WNK1: variants seen among roughly 807,000 people sequenced by gnomAD.
WNK1 encodes the protein WNK lysine deficient protein kinase 1.
A neutral mutation model predicts 222.8 loss-of-function variants in WNK1; 38 were observed. The observed-to-expected ratio is 0.17, with a 90% CI of 0.13 to 0.22. The LOEUF is 0.22. WNK1 is among the 10% of genes least tolerant of loss of function. The probability of loss-of-function intolerance (pLI) is 1.00; values close to 1 mark genes in which losing one functional copy is unlikely to be tolerated. For missense variants in WNK1, 2,348 were observed against 2,918.4 expected, an observed-to-expected ratio of 0.80 and a Z score of 4.50; for synonymous variants, 1,090 against 1,092.9, an observed-to-expected ratio of 1.00 and a Z score of 0.05.
chr12:820,220 G>T (rs1317505214), intron 2 of WNK1, among the ~76,000 whole-genome samples: 1 of 151,998 alleles, frequency 6.6e-6, no homozygotes, highest in African/African-American at 2.4e-5. Flanking sequence ...ATTTATTTAT[G>T]TCTTTTTTAA....
In WNK1 at chr12:754,344, A is replaced by G; in HGVS notation, c.759+20A>G. 1 of 1,604,948 alleles carries G rather than the reference A, an allele frequency of 6.2e-7. No individual in the cohort carries two copies. Among genetic ancestry groups the G allele is most frequent in the Non-Finnish European group, 8.5e-7 (1 of 1,174,546 alleles). On this transcript the variant is annotated intron_variant, in intron 1 of 27. Transcript: ENST00000315939. ...CTGCAGGTAAAGCCCCACCTACTTTATTTGACGGTCCTTTGGATCCCAAAT... is the reference window on the plus strand; with the variant it reads ...CTGCAGGTAAAGCCCCACCTACTTTGTTTGACGGTCCTTTGGATCCCAAAT...
intron 1 of WNK1, among the ~76,000 whole-genome samples, chr12:773,438 A>G (rs994090728): frequency 3.3e-5 from 5 of 152,222 alleles, no homozygotes; most frequent in Non-Finnish European, 7.3e-5. Context: ...AATATAGGAA[A>G]TTCTTAATGC....
intron 11 of WNK1, among the ~76,000 whole-genome samples, chr12:880,318 G>A (rs1953029100): frequency 6.6e-6 from 1 of 152,158 alleles, no homozygotes; most frequent in African/African-American, 2.4e-5. Context: ...TTACATATAT[G>A]GGTAGAATAA....
Position 906,280 on chromosome 12 carries a change from C to G in WNK1, c.6644-1567C>G, listed in dbSNP as rs868486119. On this transcript the variant is annotated intron_variant, in intron 26 of 27. Coordinates refer to ENST00000315939, the MANE Select transcript of WNK1 (RefSeq NM_018979.4). The stretch of plus-strand genomic sequence containing the variant: ...AGACAAGACCATGACTCTTCTTTCC[C>G]TCTTCCCCAAAACGTGCCTCTTGGA... 4.1e-5 allele frequency: 40 copies of G among 981,746 alleles called. No homozygotes were observed. The African/African-American group carries it at 6.1e-4, about 15-fold the overall frequency. 60.8% of individuals were successfully genotyped at this position (981,746 alleles called of 1,614,324 possible).
In WNK1 at chr12:776,588, G is replaced by A. The variant is rs545882823; in HGVS notation, c.759+22264G>A. On this transcript the variant is annotated intron_variant, in intron 1 of 27. Transcript: ENST00000315939. ...TGGGACTACAGGTGCGTGCCACCGTGCCTGGCTAATTTTTTGTATTTTTAG... is the reference window on the plus strand; with the variant it reads ...TGGGACTACAGGTGCGTGCCACCGTACCTGGCTAATTTTTTGTATTTTTAG... Among the ~76,000 whole-genome samples the A allele has an allele frequency of 3.9e-5, 6 of 152,136 alleles. No individual in the cohort carries two copies. The East Asian group carries it at 9.7e-4, about 25-fold the overall frequency.
rs1565623800 is a variant in WNK1, at chr12:907,915, A to G, written c.6712A>G (p.Met2238Val). 6.2e-7 allele frequency: 1 copy of G among 1,614,212 alleles called. No individual in the cohort carries two copies. The highest frequency in any genetic ancestry group is 8.5e-7 in the Non-Finnish European group (1 of 1,180,042). ...SQAAQAQPPAMTSSRKGTFTD... is the reference protein window; with the variant it reads ...SQAAQAQPPAVTSSRKGTFTD... ...AGCCGCCCAAGCTCAGCCTCCTGCCATGACGTCCAGCAGGAAGGGCACATT... is the reference window on the plus strand; with the variant it reads ...AGCCGCCCAAGCTCAGCCTCCTGCCGTGACGTCCAGCAGGAAGGGCACATT... Residue 2238 changes from methionine to valine, a missense_variant, in exon 27 of 28, where the codon ATG becomes GTG. Physicochemically the swap from Met to Val is conservative, Grantham distance 21. Transcript: ENST00000315939.
chr12:771,233 G>A (rs1209958667), intron 1 of WNK1, among the ~76,000 whole-genome samples: 5 of 151,820 alleles, frequency 3.3e-5, no homozygotes, highest in Non-Finnish European at 7.4e-5. Context: ...TCCTGACCTC[G>A]TGATCCGCCC....
chr12:850,174 A>G (rs1278718920), intron 4 of WNK1, among the ~76,000 whole-genome samples: 1 of 152,250 alleles, frequency 6.6e-6, no homozygotes, highest in Non-Finnish European at 1.5e-5. Context: ...ACTAGTTTAC[A>G]GTCCCTCCAA....
chr12:791,783 T>C (rs1286552058), intron 1 of WNK1, among the ~76,000 whole-genome samples: 1 of 152,182 alleles, frequency 6.6e-6, no homozygotes, highest in Non-Finnish European at 1.5e-5. Context: ...TAATTTTTTT[T>C]ATCTCTAATC....
intron 1 of WNK1, among the ~76,000 whole-genome samples, chr12:785,409 C>CCT (rs1565426663): frequency 9.4e-6 from 1 of 106,106 alleles, no homozygotes; most frequent in African/African-American, 3.0e-5. Context: ...CCCCCCCCCC[C>CCT]ACCCCCTCGA....
chr12:818,420 T>G (rs1404699803), intron 2 of WNK1, among the ~76,000 whole-genome samples: 2 of 152,192 alleles, frequency 1.3e-5, no homozygotes, highest in Non-Finnish European at 2.9e-5. Context: ...CAGTTCCCCA[T>G]GTGTATGTAA....
At chr12:824,772 ATATTT>A (rs1488431294) in intron 2 of WNK1, among the ~76,000 whole-genome samples, 1 of 152,148 alleles carries the variant, frequency 6.6e-6, no homozygotes, top group East Asian at 1.9e-4. Flanking sequence ...AAAATTTCCA[ATATTT>A]TATTATAAAA....
rs928992224 is a variant in WNK1, at chr12:885,081, C to T, written c.4277C>T (p.Thr1426Ile). 1 of 1,614,230 alleles carries T rather than the reference C, an allele frequency of 6.2e-7. No individual in the cohort carries two copies. Among genetic ancestry groups the T allele is most frequent in the Non-Finnish European group, 8.5e-7 (1 of 1,180,050 alleles). The stretch of plus-strand genomic sequence containing the variant: ...ATACCTGCAGTTGTCTCAATATCTA[C>T]TACATCCCCGTCACTTCAAGTCCCC... ...ITIPAVVSISTTSPSLQVPTS... is the reference protein window; with the variant it reads ...ITIPAVVSISITSPSLQVPTS... Residue 1426 changes from threonine (T) to isoleucine (I), a missense_variant, in exon 19 of 28, where the codon ACT (threonine) becomes ATT (isoleucine). By Grantham distance (89) the Thr-to-Ile change is moderately conservative (BLOSUM62 -1). Transcript: ENST00000315939.
At chr12:813,582 ACTGT>A (rs1947092444) in intron 1 of WNK1, 56 bp from the exon 2 acceptor site, 1 of 1,559,256 alleles carries the variant, frequency 6.4e-7, no homozygotes. Context: ...TCTAAGATTA[ACTGT>A]CTGATTTGGT....
At position 776,749 on chromosome 12, in the gene WNK1, G is replaced by A. The variant is rs142199278; in HGVS notation, c.759+22425G>A. Among the ~76,000 whole-genome samples the A allele has an allele frequency of 1.3e-4, 20 of 152,190 alleles. No homozygotes were observed. The East Asian group carries it at 3.9e-3, about 29-fold the overall frequency. On this transcript the variant is annotated intron_variant, in intron 1 of 27. Transcript: ENST00000315939. ...CTGGCCCAGATCTTAATGTGTTCTT[G>A]CTCTGCGTGGTGTTTGTACCTGGGC...
At position 908,945 on chromosome 12, in the gene WNK1, C is replaced by T. The variant is rs1001918014; in HGVS notation, c.*153C>T. 6 of 861,218 alleles carry T rather than the reference C, an allele frequency of 7.0e-6. 1 individual carries two copies. In the African/African-American group the frequency reaches 1.0e-4, roughly 14 times the overall value. The allele number at this position is 861,218 out of a possible 1,614,324, so 53.3% of individuals were successfully genotyped here. On this transcript the variant is annotated 3_prime_UTR_variant, in exon 28 of 28. Transcript: ENST00000315939. ...GGAATGTTTTTAATACTGCATTGAGCCCTCAGAATGGAGAGTCTCCCCCGC... is the reference window on the plus strand; with the variant it reads ...GGAATGTTTTTAATACTGCATTGAGTCCTCAGAATGGAGAGTCTCCCCCGC...
intron 1 of WNK1, among the ~76,000 whole-genome samples, chr12:792,027 C>G (rs1944889347): frequency 6.6e-6 from 1 of 152,158 alleles, no homozygotes; most frequent in South Asian, 2.1e-4. Context: ...GCCTTCCTGC[C>G]TTTATTCCCC....
intron 25 of WNK1, among the ~76,000 whole-genome samples, chr12:897,991 T>G (rs1017247580): frequency 6.6e-6 from 1 of 152,236 alleles, no homozygotes; most frequent in African/African-American, 2.4e-5. Flanking sequence ...TAACTCACAT[T>G]TAACCAAACT....
At chr12:877,715 C>G (rs1199448304) in intron 9 of WNK1, among the ~76,000 whole-genome samples, 4 of 152,256 alleles carry the variant, frequency 2.6e-5, no homozygotes, top group Non-Finnish European at 5.9e-5. Flanking sequence ...AAATCCAGTG[C>G]TTTCCTCCCT....
Sources: gnomAD v4.1 joint callset for allele counts (sites outside exome capture counted in the v4.1 genomes callset) on GRCh38, gnomAD v4.1.1 for gene constraint, MANE v1.5 for transcripts, NCBI Gene and HGNC (gene_info 2026-07-23, HGNC 2026-07-21) for gene names.